The following NKAIN1 variants were observed in gnomAD, a reference collection of about 807,000 sequenced individuals.
NKAIN1 encodes the protein sodium/potassium transporting ATPase interacting 1.
A neutral mutation model predicts 31.6 loss-of-function variants in NKAIN1; 13 were observed. That is an observed-to-expected ratio of 0.41 (90% CI 0.27 to 0.65). The LOEUF (loss-of-function observed/expected upper bound fraction) is 0.65. Among genes scored for constraint, NKAIN1 ranks in the 30% least tolerant of loss-of-function variants. NKAIN1 has a pLI of 0.30. For missense variants in NKAIN1, 193 were observed against 262.2 expected, an observed-to-expected ratio of 0.74 and a Z score of 1.82; for synonymous variants, 104 against 109.0, an observed-to-expected ratio of 0.95 and a Z score of 0.28.
At chr1:31,201,174 G>T (rs1343133001) in intron 1 of NKAIN1, among the ~76,000 whole-genome samples, 8 of 152,162 alleles carry the variant, frequency 5.3e-5, no homozygotes, top group African/African-American at 1.9e-4. Context: ...TCCTCTTGGG[G>T]ATGACAGTCT....
rs1160175176 is a variant in NKAIN1 at position 31,188,101 on chromosome 1, G to A, written c.141C>T (p.Val47=). 1.3e-6 allele frequency: 2 copies of A among 1,553,318 alleles called. No individual in the cohort carries two copies. Among genetic ancestry groups the A allele is most frequent in the Admixed American group, 2.0e-5 (1 of 51,146 alleles). Residue 47 remains valine, a synonymous_variant, in exon 2 of 7, where the codon GTC becomes GTT. Coordinates refer to ENST00000373736, the MANE Select transcript of NKAIN1 (RefSeq NM_024522.3). ...GCACGGTGCCAAAGATGCCCAGGATGACTGCCATGATGTGCAGGAAGTTGG... is the reference window on the plus strand; with the variant it reads ...GCACGGTGCCAAAGATGCCCAGGATAACTGCCATGATGTGCAGGAAGTTGG... ...ILANFLHIMA[V]ILGIFGTVQY... is the part of the protein sequence containing the mutation.
At chr1:31,210,445 C>T (rs758284475) in intron 1 of NKAIN1, among the ~76,000 whole-genome samples, 51 of 151,932 alleles carry the variant, frequency 3.4e-4, no homozygotes, top group African/African-American at 3.1e-4. Context: ...CCCACCACCA[C>T]GCCCAGCTAA....
chr1:31,187,970 G>A (rs1027683510), intron 2 of NKAIN1, 80 bp downstream of exon 2: 2 of 1,447,908 alleles, frequency 1.4e-6, no homozygotes, highest in Non-Finnish European at 1.9e-6. Flanking sequence ...GGGCAGTTCT[G>A]GTTTTGAGGA....
At chr1:31,183,061 C>A (rs1645214963) in intron 4 of NKAIN1, among the ~76,000 whole-genome samples, 1 of 152,010 alleles carries the variant, frequency 6.6e-6, no homozygotes, top group Admixed American at 6.6e-5. Flanking sequence ...GCAATCATGG[C>A]TCACTTCAGC....
intron 1 of NKAIN1, among the ~76,000 whole-genome samples, chr1:31,202,750 G>T (rs1366317712): frequency 6.6e-6 from 1 of 151,440 alleles, no homozygotes; most frequent in Non-Finnish European, 1.5e-5. Context: ...AGGCCAAGGT[G>T]GGCGGATCAC....
chr1:31,192,596 G>T (rs1395366827), intron 1 of NKAIN1, among the ~76,000 whole-genome samples: 1 of 152,018 alleles, frequency 6.6e-6, no homozygotes, highest in Admixed American at 6.6e-5. Flanking sequence ...TGTCGCCCAG[G>T]CTGGAGTGCA....
At chr1:31,229,452 G>A (rs1479041332) in intron 1 of NKAIN1, among the ~76,000 whole-genome samples, 4 of 152,140 alleles carry the variant, frequency 2.6e-5, no homozygotes, top group African/African-American at 9.7e-5. Flanking sequence ...ATGGCTCACT[G>A]CAGCCTCAAC....
intron 1 of NKAIN1, among the ~76,000 whole-genome samples, chr1:31,196,675 G>A (rs1010976733): frequency 1.3e-5 from 2 of 151,330 alleles, no homozygotes; most frequent in South Asian, 4.2e-4. Context: ...CAGCCTGGGC[G>A]ACAGAGTGAG....
intron 1 of NKAIN1, among the ~76,000 whole-genome samples, chr1:31,196,784 T>C (rs1400873755): frequency 6.6e-6 from 1 of 152,116 alleles, no homozygotes; most frequent in African/African-American, 2.4e-5. Context: ...TCATCTTACC[T>C]GACCTCAATT....
intron 1 of NKAIN1, among the ~76,000 whole-genome samples, chr1:31,190,825 T>C (rs1645279138): frequency 6.6e-6 from 1 of 152,170 alleles, no homozygotes; most frequent in Admixed American, 6.5e-5. Context: ...TCTTCCTCCT[T>C]CCACCCTGAC....
chr1:31,228,865 G>A (rs932671267), intron 1 of NKAIN1, among the ~76,000 whole-genome samples: 1 of 152,020 alleles, frequency 6.6e-6, no homozygotes, highest in African/African-American at 2.4e-5. Flanking sequence ...CAAAGTGCTG[G>A]GATTATAGGT....
chr1:31,218,359 G>A (rs1645534525), intron 1 of NKAIN1, among the ~76,000 whole-genome samples: 1 of 152,060 alleles, frequency 6.6e-6, no homozygotes, highest in African/African-American at 2.4e-5. Flanking sequence ...ACCGCACCTG[G>A]CCGCAGCTAC....
chr1:31,220,076 C>T (rs1645551166), intron 1 of NKAIN1, among the ~76,000 whole-genome samples: 1 of 146,174 alleles, frequency 6.8e-6, no homozygotes, highest in African/African-American at 2.5e-5. Flanking sequence ...GGCGTGATCT[C>T]GGCTCACTGC....
At chr1:31,193,102 T>C (rs1478734367) in intron 1 of NKAIN1, among the ~76,000 whole-genome samples, 1 of 151,650 alleles carries the variant, frequency 6.6e-6, no homozygotes, top group African/African-American at 2.4e-5. Context: ...GGAGTCTCAC[T>C]CTGTCTCCCA....
intron 1 of NKAIN1, among the ~76,000 whole-genome samples, chr1:31,197,194 C>T (rs1333439182): frequency 4.0e-5 from 6 of 150,942 alleles, no homozygotes; most frequent in Non-Finnish European, 8.8e-5. Flanking sequence ...TCACTGCAAG[C>T]TCTGCCTCCC....
At chr1:31,225,028 C>CTTTTTTTT (rs1645592013) in intron 1 of NKAIN1, among the ~76,000 whole-genome samples, 1 of 112,648 alleles carries the variant, frequency 8.9e-6, no homozygotes, top group African/African-American at 4.8e-5. Flanking sequence ...TTTTTCTTTT[C>CTTTTTTTT]TTTTCTTTTT....
rs147955203 is a variant in NKAIN1, at chr1:31,196,249, C to G, written c.55-8062G>C. On this transcript the variant is annotated intron_variant, in intron 1 of 6. Coordinates refer to ENST00000373736, the MANE Select transcript of NKAIN1 (RefSeq NM_024522.3). ...CAAAAATTGGCCGGGTGCGGTGGCTCACGCCTGTAATCCCAGCACTTTGGG... is the reference window on the plus strand; with the variant it reads ...CAAAAATTGGCCGGGTGCGGTGGCTGACGCCTGTAATCCCAGCACTTTGGG... 4.2e-3 allele frequency among the ~76,000 whole-genome samples: 633 copies of G among 152,192 alleles called. 35 individuals carry two copies. In the East Asian group the frequency reaches 0.098, roughly 23 times the overall value.
intron 1 of NKAIN1, among the ~76,000 whole-genome samples, chr1:31,199,408 C>T (rs1333203723): frequency 6.6e-6 from 1 of 152,168 alleles, no homozygotes; most frequent in Non-Finnish European, 1.5e-5. Flanking sequence ...TTGTTGCATC[C>T]CCAACCTCAG....
chr1:31,182,731 T>A (rs913792149), intron 4 of NKAIN1, 141 bp from the exon 5 acceptor site: 3 of 754,906 alleles, frequency 4.0e-6, no homozygotes, highest in Non-Finnish European at 6.6e-6. Context: ...TCCAATTAAA[T>A]GTTTTCACCT....
Sources: allele counts gnomAD v4.1 joint callset (sites outside exome capture counted in the v4.1 genomes callset), GRCh38; gene constraint gnomAD v4.1.1; transcripts MANE v1.5; gene names NCBI Gene and HGNC (gene_info 2026-07-23, HGNC 2026-07-21).